ARMC9: variants seen among roughly 807,000 people sequenced by gnomAD.
ARMC9 encodes lisH domain-containing protein ARMC9.
Under a neutral mutation model 107.0 loss-of-function variants are expected in ARMC9, and 94 were observed. The ratio of observed to expected loss-of-function variants is 0.88; its 90% CI spans 0.74 to 1.04. ARMC9 has a LOEUF of 1.04. Ranked by LOEUF, ARMC9 falls within the 50% of genes least tolerant of loss-of-function variation. The pLI, the probability that ARMC9 is intolerant of heterozygous loss-of-function variation, is 0.00. For synonymous variants in ARMC9, 380 were observed against 396.9 expected, an observed-to-expected ratio of 0.96 and a Z score of 0.51; for missense variants, 942 against 1,030.1, an observed-to-expected ratio of 0.91 and a Z score of 1.17.
At chr2:231,241,180 A>G (rs946647078) in intron 9 of ARMC9, among the ~76,000 whole-genome samples, 2 of 149,156 alleles carry the variant, frequency 1.3e-5, no homozygotes, top group Non-Finnish European at 3.0e-5. Flanking sequence ...CCTGGGGGAC[A>G]AGAGCAAGAC....
rs2033336953 is a variant in ARMC9 at position 231,214,985 on chromosome 2, A to G, written c.332A>G (p.Tyr111Cys). 6.2e-7 allele frequency: 1 copy of G among 1,613,794 alleles called. No homozygotes were observed. Among genetic ancestry groups the G allele is most frequent in the Non-Finnish European group, 8.5e-7 (1 of 1,179,954 alleles). ...CATTTTGCCATCTATCTTTTGAAGT[A>G]CTCTGTGGGGAGACCGGTGGGTTTA... The part of the protein sequence containing the change: ...HIHFAIYLLK[Y>C]SVGRPDKEEL... The change falls in exon 4 of 25, where the codon TAC becomes TGC. Residue 111 changes from tyrosine (Y) to cysteine (C), a missense_variant. By Grantham distance (194) the Tyr-to-Cys change is radical (BLOSUM62 -2). Coordinates refer to ENST00000611582, the MANE Select transcript of ARMC9 (RefSeq NM_001352754.2).
chr2:231,249,241 T>C (rs1017857518), intron 9 of ARMC9, among the ~76,000 whole-genome samples: 1 of 152,142 alleles, frequency 6.6e-6, no homozygotes, highest in Non-Finnish European at 1.5e-5. Flanking sequence ...AGGATTTCCC[T>C]GCCCCACAGC....
At chr2:231,350,552 G>A (rs1262944151) in intron 21 of ARMC9, among the ~76,000 whole-genome samples, 1 of 150,776 alleles carries the variant, frequency 6.6e-6, no homozygotes, top group East Asian at 2.0e-4. Flanking sequence ...AGTCCCAGAG[G>A]TCGTGGCTGC....
intron 20 of ARMC9, among the ~76,000 whole-genome samples, chr2:231,343,417 A>G (rs1227846531): frequency 6.6e-6 from 1 of 151,770 alleles, no homozygotes; most frequent in Non-Finnish European, 1.5e-5. Flanking sequence ...TTTTTATTTT[A>G]TTTACTTTTT....
intron 21 of ARMC9, among the ~76,000 whole-genome samples, chr2:231,354,264 A>T (rs889943557): frequency 5.2e-5 from 5 of 95,796 alleles, no homozygotes; most frequent in African/African-American, 2.7e-4. Context: ...ATCTCCATTT[A>T]AAAAAAAAAA....
intron 12 of ARMC9, among the ~76,000 whole-genome samples, chr2:231,262,952 C>T (rs1182538020): frequency 1.3e-5 from 2 of 151,644 alleles, no homozygotes; most frequent in South Asian, 2.1e-4. Context: ...GCGCCTGCCT[C>T]GGGAGGTCGT....
Position 231,310,275 on chromosome 2 carries a change from A to G in ARMC9, c.1773+14022A>G, listed in dbSNP as rs563816971. 7.4e-5 allele frequency among the ~76,000 whole-genome samples: 11 copies of G among 149,304 alleles called. No homozygotes were observed. The South Asian group carries it at 2.3e-3, about 32-fold the overall frequency. On this transcript the variant is annotated intron_variant, in intron 19 of 24. Transcript: ENST00000611582. ...ACTAAAACTACAAAATTAGGCAGGC[A>G]TGGTGGCACATGCCTGTAATCCCAG...
intron 20 of ARMC9, among the ~76,000 whole-genome samples, chr2:231,340,282 G>A (rs771622832): frequency 6.6e-6 from 1 of 152,082 alleles, no homozygotes; most frequent in Non-Finnish European, 1.5e-5. Context: ...TCTGGTACCC[G>A]GAGAGCATCT....
At chr2:231,354,822 C>T (rs1477266515) in intron 21 of ARMC9, among the ~76,000 whole-genome samples, 2 of 152,214 alleles carry the variant, frequency 1.3e-5, no homozygotes, top group Non-Finnish European at 1.5e-5. Context: ...GCGAGGGCTC[C>T]GTTGCCTTAC....
chr2:231,237,308 C>T (rs1398300846), intron 8 of ARMC9, among the ~76,000 whole-genome samples: 1 of 152,020 alleles, frequency 6.6e-6, no homozygotes, highest in African/African-American at 2.4e-5. Context: ...GGAGATCTTT[C>T]CATATGACCA....
intron 9 of ARMC9, among the ~76,000 whole-genome samples, chr2:231,240,655 A>C (rs545435638): frequency 1.3e-5 from 2 of 152,342 alleles, no homozygotes; most frequent in East Asian, 3.9e-4. Flanking sequence ...TCATATAACT[A>C]TACAGTTACC....
intron 19 of ARMC9, among the ~76,000 whole-genome samples, chr2:231,308,362 A>G (rs1433363576): frequency 6.6e-6 from 1 of 152,214 alleles, no homozygotes; most frequent in Non-Finnish European, 1.5e-5. Context: ...GTCCCAAGGC[A>G]GTAGCTGGTG....
Position 231,371,508 on chromosome 2 carries a change from T to G in ARMC9, c.2435-5T>G. 8.1e-7 allele frequency: 1 copy of G among 1,237,870 alleles called. No homozygotes were observed. 76.7% of individuals were successfully genotyped at this position (1,237,870 alleles called of 1,614,324 possible). ...CTGGCATCTTGCTCTGGCTTTTCTC[T>G]CCAGGCAGCCAGTCTCACAGGAAGT... On this transcript the variant is annotated splice_region_variant and splice_polypyrimidine_tract_variant and intron_variant, in intron 24 of 24. Coordinates refer to ENST00000611582, the MANE Select transcript of ARMC9 (RefSeq NM_001352754.2).
At chr2:231,357,148 GTTTAC>G (rs113597646) in intron 22 of ARMC9, among the ~76,000 whole-genome samples, 3 of 152,324 alleles carry the variant, frequency 2.0e-5, no homozygotes, top group African/African-American at 7.2e-5. Context: ...TTCAAGAACA[GTTTAC>G]TTTAGCCCTG....
chr2:231,346,665 T>C (rs538140626), intron 21 of ARMC9, among the ~76,000 whole-genome samples: 5 of 152,338 alleles, frequency 3.3e-5, no homozygotes, highest in Admixed American at 6.5e-5. Context: ...TGAGAGAAGA[T>C]TGCAGACTTT....
chr2:231,274,071 C>T (rs1455205516), intron 14 of ARMC9, among the ~76,000 whole-genome samples: 2 of 152,150 alleles, frequency 1.3e-5, no homozygotes, highest in Non-Finnish European at 2.9e-5. Flanking sequence ...TGTGTCAGGG[C>T]CTCATTCCTT....
At chr2:231,314,007 A>G (rs1374202127) in intron 19 of ARMC9, among the ~76,000 whole-genome samples, 1 of 136,420 alleles carries the variant, frequency 7.3e-6, no homozygotes, top group African/African-American at 2.8e-5. Context: ...TGATCTTCCC[A>G]CCTTGACCTC....
chr2:231,278,071 C>T (rs1041211851), intron 15 of ARMC9, among the ~76,000 whole-genome samples: 2 of 152,072 alleles, frequency 1.3e-5, no homozygotes, highest in South Asian at 4.1e-4. Flanking sequence ...GTGCTCTGAC[C>T]GGAGTAATAG....
intron 6 of ARMC9, among the ~76,000 whole-genome samples, chr2:231,224,826 T>C (rs771315623): frequency 6.6e-6 from 1 of 152,196 alleles, no homozygotes; most frequent in South Asian, 2.1e-4. Context: ...AACAATAAAA[T>C]AGGAGTCTGT....
Sources: gnomAD v4.1 joint callset for allele counts (sites outside exome capture counted in the v4.1 genomes callset) on GRCh38, gnomAD v4.1.1 for gene constraint, MANE v1.5 for transcripts, NCBI Gene and HGNC (gene_info 2026-07-23, HGNC 2026-07-21) for gene names.